Variants in TMEM114 observed in about 807,000 individuals in gnomAD.
TMEM114 encodes the protein transmembrane protein 114, also known as claudin-26.
Under a neutral mutation model 6.2 loss-of-function variants are expected in TMEM114, and 6 were observed. The ratio of observed to expected loss-of-function variants is 0.97; its 90% CI spans 0.53 to 1.91. The LOEUF is 1.91. Among genes scored for constraint, TMEM114 ranks in the 40% most tolerant of loss-of-function variants. TMEM114 has a pLI of 0.01. For synonymous variants in TMEM114, 104 were observed against 73.0 expected, an observed-to-expected ratio of 1.42 and a Z score of -2.16; for missense variants, 218 against 158.3, an observed-to-expected ratio of 1.38 and a Z score of -2.02.
Position 8,552,576 on chromosome 16 carries a change from T to C in TMEM114, n.213-14750A>G, listed in dbSNP as rs1182625399. Reference sequence around the variant, plus strand: ...ACTAACAGTATTGCAATGTGGATTTTCTAGCTTTGATATTGCACTGCAGTT... The same window carrying C: ...ACTAACAGTATTGCAATGTGGATTTCCTAGCTTTGATATTGCACTGCAGTT... On this transcript the variant is annotated intron_variant and non_coding_transcript_variant, in intron 2 of 2. Coordinates refer to the TMEM114 transcript ENST00000623677. Among the ~76,000 whole-genome samples, 3 of 152,116 alleles carry C rather than the reference T, an allele frequency of 2.0e-5. No individual in the cohort carries two copies. In the South Asian group the frequency reaches 6.2e-4, roughly 31 times the overall value.
chr16:8,573,359 A>G (rs1901800000), intron 2 of TMEM114, among the ~76,000 whole-genome samples: 1 of 152,150 alleles, frequency 6.6e-6, no homozygotes, highest in Admixed American at 6.5e-5. Context: ...ATCTGGGGCC[A>G]TTTCTAGAGA....
downstream of TMEM114, among the ~76,000 whole-genome samples, chr16:8,569,068 A>G (rs1416440512): frequency 6.6e-6 from 1 of 152,196 alleles, no homozygotes; most frequent in Non-Finnish European, 1.5e-5. Flanking sequence ...GAGAGTATCA[A>G]CAAGCCCATA....
chr16:8,528,834 G>A, the TMEM114 span, among the ~76,000 whole-genome samples: 1 of 152,224 alleles, frequency 6.6e-6, no homozygotes, highest in Non-Finnish European at 1.5e-5. Flanking sequence ...TGCTTCTGAA[G>A]ACACTCCATT....
At chr16:8,557,028 G>C (rs895581094) in intron 2 of TMEM114, among the ~76,000 whole-genome samples, 2 of 152,120 alleles carry the variant, frequency 1.3e-5, no homozygotes, top group Non-Finnish European at 2.9e-5. Context: ...AAGAAATAAT[G>C]AATCGGTGAG....
chr16:8,553,947 C>G (rs1340179473), intron 2 of TMEM114, among the ~76,000 whole-genome samples: 6 of 151,658 alleles, frequency 4.0e-5, no homozygotes, highest in Admixed American at 1.3e-4. Flanking sequence ...GGTGCAATCT[C>G]AGCTCACTGC....
rs1475988548 is a variant in TMEM114, at chr16:8,590,135, C to T, written c.-297G>A. The stretch of plus-strand genomic sequence containing the variant: ...TCTCACTTGTGCTGTCCGACCTCCA[C>T]CTCCGCCTTCAGACCCTCCTGGAAG... On this transcript the variant is annotated 5_prime_UTR_variant, in exon 1 of 4. The change creates a new upstream start codon in the 5' untranslated region. Coordinates refer to ENST00000620492, the MANE Select transcript of TMEM114 (RefSeq NM_001146336.2). 2 of 315,330 alleles carry T rather than the reference C, an allele frequency of 6.3e-6. No homozygotes were observed. The highest frequency in any genetic ancestry group is 1.2e-5 in the Non-Finnish European group (2 of 172,954). The allele number at this position is 315,330 out of a possible 1,614,324, so 19.5% of individuals were successfully genotyped here.
intron 2 of TMEM114, among the ~76,000 whole-genome samples, chr16:8,562,220 ATGAGTGAGTGAG>A (rs61728545): frequency 0.039 from 4,582 of 118,522 alleles, 129 homozygotes; most frequent in South Asian, 0.12. Context: ...GAGTGAGTAA[ATGAGTGAGTGAG>A]TGAGTGAATG....
At chr16:8,543,192 C>A (rs1458308848) in intron 2 of TMEM114, among the ~76,000 whole-genome samples, 1 of 152,196 alleles carries the variant, frequency 6.6e-6, no homozygotes, top group African/African-American at 2.4e-5. Flanking sequence ...CAGAGCAAAG[C>A]TGGGCCCCAA....
rs769407146 is a variant in TMEM114, at chr16:8,569,807, A to T, written c.638T>A (p.Leu213His). 2.6e-6 allele frequency: 4 copies of T among 1,550,762 alleles called. No individual in the cohort carries two copies. The highest frequency in any genetic ancestry group is 3.5e-6 in the Non-Finnish European group (4 of 1,146,906). ...CTGGTCCTGCCTCCGTCTCAGGCTG[A>T]GCTCGCGGGCTGCTGCCAGGAAGGC... ...GAAFLAAARE[L>H]SLRRRQDQAI The change falls in exon 4 of 4, where the codon CTC becomes CAC. Residue 213 changes from leucine (L) to histidine (H), a missense_variant. Coordinates refer to ENST00000620492, the MANE Select transcript of TMEM114 (RefSeq NM_001146336.2).
chr16:8,558,088 T>C (rs1486283486), intron 2 of TMEM114, among the ~76,000 whole-genome samples: 3 of 151,996 alleles, frequency 2.0e-5, no homozygotes, highest in African/African-American at 7.3e-5. Context: ...ACCCCATCTC[T>C]ACTAAAAATA....
At chr16:8,562,659 A>T (rs1393225881) in intron 2 of TMEM114, among the ~76,000 whole-genome samples, 1 of 151,422 alleles carries the variant, frequency 6.6e-6, no homozygotes, top group East Asian at 2.0e-4. Context: ...TGAATGAGTC[A>T]ATGAATTAGT....
intron 3 of TMEM114, among the ~76,000 whole-genome samples, chr16:8,571,419 A>G (rs1234725666): frequency 6.6e-6 from 1 of 152,150 alleles, no homozygotes; most frequent in Admixed American, 6.5e-5. Context: ...GGCCTCACAT[A>G]CTTAGCATTT....
intron 3 of TMEM114, among the ~76,000 whole-genome samples, chr16:8,570,325 AT>A (rs33950732): frequency 8.6e-5 from 13 of 150,864 alleles, no homozygotes; most frequent in Admixed American, 7.9e-4. Context: ...CTTTTGTGTA[AT>A]TTTTTTTTAG....
At chr16:8,550,880 G>A (rs931771894) in intron 2 of TMEM114, among the ~76,000 whole-genome samples, 1 of 152,122 alleles carries the variant, frequency 6.6e-6, no homozygotes, top group African/African-American at 2.4e-5. Flanking sequence ...AACATCCACT[G>A]CTCTCCTCCT....
intron 2 of TMEM114, among the ~76,000 whole-genome samples, chr16:8,540,981 T>C (rs1900500153): frequency 6.6e-6 from 1 of 152,074 alleles, no homozygotes; most frequent in Non-Finnish European, 1.5e-5. Flanking sequence ...CGCATGGAAC[T>C]GAAAGAAGTC....
intron 3 of TMEM114, among the ~76,000 whole-genome samples, chr16:8,570,523 G>A (rs544963277): frequency 2.0e-5 from 3 of 152,190 alleles, no homozygotes; most frequent in East Asian, 3.9e-4. Flanking sequence ...GTAGAGACAG[G>A]GTTTCACCAT....
chr16:8,565,813 G>C (rs1178467345), downstream of TMEM114, among the ~76,000 whole-genome samples: 1 of 152,164 alleles, frequency 6.6e-6, no homozygotes, highest in Non-Finnish European at 1.5e-5. Context: ...GCCCTCGAGG[G>C]TCTGATTGCA....
At chr16:8,588,729 C>T (rs1902391110) in intron 2 of TMEM114, among the ~76,000 whole-genome samples, 3 of 152,214 alleles carry the variant, frequency 2.0e-5, no homozygotes, top group African/African-American at 4.8e-5. Context: ...ATTTCTATCG[C>T]ACCCCACTAC....
chr16:8,587,250 C>G (rs1902346681), intron 2 of TMEM114, among the ~76,000 whole-genome samples: 2 of 152,094 alleles, frequency 1.3e-5, no homozygotes, highest in African/African-American at 4.8e-5. Flanking sequence ...ATATTGAGCT[C>G]CACCTACAAT....
Sources: allele counts gnomAD v4.1 joint callset (sites outside exome capture counted in the v4.1 genomes callset), GRCh38; gene constraint gnomAD v4.1.1; transcripts MANE v1.5; gene names NCBI Gene and HGNC (gene_info 2026-07-23, HGNC 2026-07-21).